PRMT8: variants seen among roughly 807,000 people sequenced by gnomAD.
PRMT8 encodes the protein protein arginine methyltransferase 8, also known as protein arginine N-methyltransferase 8.
Under a neutral mutation model 47.1 loss-of-function variants are expected in PRMT8, and 7 were observed. The ratio of observed to expected loss-of-function variants is 0.15; its 90% CI spans 0.08 to 0.28. The LOEUF (loss-of-function observed/expected upper bound fraction) is 0.28, where lower values mean the gene tolerates loss of function less well. Ranked by LOEUF, PRMT8 falls within the 10% of genes least tolerant of loss-of-function variation. The pLI, the probability that PRMT8 is intolerant of heterozygous loss-of-function variation, is 1.00. For missense variants in PRMT8, 237 were observed against 505.4 expected (o/e 0.47, Z 5.09); for synonymous variants, 188 against 186.5 (o/e 1.01, Z -0.07).
At chr12:3,560,287 C>T (rs1866611538) in intron 4 of PRMT8, among the ~76,000 whole-genome samples, 1 of 152,280 alleles carries the variant, frequency 6.6e-6, no homozygotes, top group Middle Eastern at 3.4e-3. Context: ...ACATAAATAA[C>T]AACACGGGGC....
intron 1 of PRMT8, among the ~76,000 whole-genome samples, chr12:3,405,109 G>T (rs1360897101): frequency 6.6e-6 from 1 of 152,144 alleles, no homozygotes; most frequent in Non-Finnish European, 1.5e-5. Flanking sequence ...GTTCAGCATG[G>T]CTGGGGAGGC....
At chr12:3,497,725 C>T (rs745479163) in intron 1 of PRMT8, among the ~76,000 whole-genome samples, 20 of 152,182 alleles carry the variant, frequency 1.3e-4, no homozygotes, top group Non-Finnish European at 2.5e-4. Flanking sequence ...AGAATTCCCT[C>T]AAGCATCACA....
intron 1 of PRMT8, among the ~76,000 whole-genome samples, chr12:3,417,001 C>T (rs1864490148): frequency 6.6e-6 from 1 of 152,206 alleles, no homozygotes; most frequent in Non-Finnish European, 1.5e-5. Flanking sequence ...GAAAGAGGGG[C>T]AACTTCCTGT....
chr12:3,530,740 C>A (rs1866017070), intron 1 of PRMT8, among the ~76,000 whole-genome samples: 1 of 152,178 alleles, frequency 6.6e-6, no homozygotes, highest in African/African-American at 2.4e-5. Context: ...GTGTCCTGTG[C>A]CACGAAAGGC....
chr12:3,428,491 A>C (rs1864631798), intron 1 of PRMT8, among the ~76,000 whole-genome samples: 1 of 152,168 alleles, frequency 6.6e-6, no homozygotes, highest in African/African-American at 2.4e-5. Flanking sequence ...TAGGAAGGCT[A>C]CAGGTTGTCA....
In PRMT8 at chr12:3,552,080, T is replaced by A. The variant is rs1866431110; in HGVS notation, c.418-1571T>A. 1 of 152,252 alleles carries A rather than the reference T, an allele frequency of 6.6e-6. No homozygotes were observed. The highest frequency in any genetic ancestry group is 2.4e-5 in the African/African-American group (1 of 41,436). The allele number at this position is 152,252 out of a possible 1,614,324, so 9.4% of individuals were successfully genotyped here. On this transcript the variant is annotated intron_variant, in intron 3 of 9. Transcript: ENST00000382622. The surrounding 1 kb of genome is among the most constrained non-coding windows in gnomAD (Gnocchi z 4.5). ...CTGTCTCTACTAAAAATACAAAAAT[T>A]AGCCGGGCATGGTGGCGGGTGCCTG...
At position 3,550,409 on chromosome 12, in the gene PRMT8, G is replaced by A. The variant is rs911451362; in HGVS notation, c.417+318G>A. The A allele has an allele frequency of 2.7e-5, 8 of 293,706 alleles. No homozygotes were observed. Among genetic ancestry groups the A allele is most frequent in the African/African-American group, 6.2e-5 (3 of 48,178 alleles). 18.2% of individuals were successfully genotyped at this position (293,706 alleles called of 1,614,324 possible). ...TCAGAGGCAGTGCAGGTGGTTACTC[G>A]GGGGAGCTCTGGTTTGAATCTCTGC... On this transcript the variant is annotated intron_variant, in intron 3 of 9. Coordinates refer to ENST00000382622, the MANE Select transcript of PRMT8 (RefSeq NM_019854.5). This position sits in a 1 kb window ranked among gnomAD's most constrained non-coding sequence, Gnocchi z 5.1.
chr12:3,544,686 C>T (rs1278069398), intron 2 of PRMT8, among the ~76,000 whole-genome samples: 1 of 152,148 alleles, frequency 6.6e-6, no homozygotes, highest in Admixed American at 6.5e-5. Context: ...CGGTTCTGGC[C>T]CTTGTTCCGG....
intron 1 of PRMT8, among the ~76,000 whole-genome samples, chr12:3,401,885 C>T (rs371265200): frequency 3.6e-4 from 55 of 152,280 alleles, no homozygotes; most frequent in East Asian, 7.7e-4. Context: ...GAATCAATAT[C>T]GTGAAAATGG....
intron 1 of PRMT8, among the ~76,000 whole-genome samples, chr12:3,530,003 A>T (rs1036015850): frequency 6.6e-6 from 1 of 152,176 alleles, no homozygotes; most frequent in Non-Finnish European, 1.5e-5. Flanking sequence ...GGAATTATGG[A>T]TGCTTAATAA....
chr12:3,462,624 A>C (rs1214289904), intron 1 of PRMT8: 2 of 152,032 alleles, frequency 1.3e-5, no homozygotes, highest in African/African-American at 4.8e-5. Flanking sequence ...CACCTTCCTC[A>C]GATGAAAGCT....
At chr12:3,588,648 G>T (rs927183970) in intron 8 of PRMT8, among the ~76,000 whole-genome samples, 1 of 152,240 alleles carries the variant, frequency 6.6e-6, no homozygotes, top group Non-Finnish European at 1.5e-5. Flanking sequence ...GAAGTCTGTG[G>T]AATGGTGAAT....
Position 3,520,166 on chromosome 12 carries a change from G to C in PRMT8, c.76-20440G>C, listed in dbSNP as rs150677555. Among the ~76,000 whole-genome samples the C allele has an allele frequency of 2.5e-4, 38 of 152,342 alleles. 1 individual carries two copies. The highest frequency in any genetic ancestry group is 5.0e-4 in the Non-Finnish European group (34 of 68,038). On this transcript the variant is annotated intron_variant, in intron 1 of 9. Transcript: ENST00000382622. ...CCTCCCAGAGTGGGGACAAACCGGA[G>C]ACCCTTTGCAGTTGCTGGGTCACCA...
rs754811567 is a variant in PRMT8, at chr12:3,570,842, A to G, written c.712+1278A>G. On this transcript the variant is annotated intron_variant, in intron 6 of 9. Transcript: ENST00000382622. This position sits in a 1 kb window ranked among gnomAD's most constrained non-coding sequence, Gnocchi z 5.5. The stretch of plus-strand genomic sequence containing the variant: ...TCTGGTTGCTGTCTGCCTCCAGCCA[A>G]TCTGGTGTGATTTCCACTATTTGAC... Among the ~76,000 whole-genome samples the G allele has an allele frequency of 1.3e-5, 2 of 152,148 alleles. No homozygotes were observed. Among genetic ancestry groups the G allele is most frequent in the Non-Finnish European group, 2.9e-5 (2 of 68,016 alleles).
chr12:3,488,446 A>G (rs145296564), upstream of PRMT8, among the ~76,000 whole-genome samples: 121 of 152,306 alleles, frequency 7.9e-4, 1 homozygote, highest in East Asian at 0.017. Context: ...CAAACTACCC[A>G]TTTGACTCAC....
rs372630017 is a variant in PRMT8 at position 3,553,723 on chromosome 12, T to A, written c.481+9T>A. 5.1e-6 allele frequency: 8 copies of A among 1,571,544 alleles called. No homozygotes were observed. Among genetic ancestry groups the A allele is most frequent in the Non-Finnish European group, 7.0e-6 (8 of 1,141,516 alleles). ...CAACCACTTGGACAACAGTAAGACA[T>A]ACCTCTGAGTGTTTTCTCCTGGATG... On this transcript the variant is annotated intron_variant, in intron 4 of 9. Coordinates refer to ENST00000382622, the MANE Select transcript of PRMT8 (RefSeq NM_019854.5).
intron 1 of PRMT8, among the ~76,000 whole-genome samples, chr12:3,509,226 C>T (rs1442117660): frequency 2.0e-5 from 3 of 152,154 alleles, no homozygotes; most frequent in East Asian, 1.9e-4. Context: ...TGTAATCATG[C>T]CCCTGAGTCC....
chr12:3,515,553 C>T (rs1352477172), intron 1 of PRMT8, among the ~76,000 whole-genome samples: 4 of 152,176 alleles, frequency 2.6e-5, no homozygotes, highest in Non-Finnish European at 4.4e-5. Context: ...AAATTGCCTC[C>T]CCATCCCAGA....
At chr12:3,381,584 C>T in intron 1 of PRMT8, 1 of 757,668 alleles carries the variant, frequency 1.3e-6, no homozygotes, top group Non-Finnish European at 2.2e-6. Flanking sequence ...TTTCTAAGTT[C>T]ATAACATGCT....
Sources: allele counts gnomAD v4.1 joint callset (sites outside exome capture counted in the v4.1 genomes callset), GRCh38; gene constraint gnomAD v4.1.1; non-coding constraint Gnocchi (gnomAD v3.1); transcripts MANE v1.5; gene names NCBI Gene and HGNC (gene_info 2026-07-23, HGNC 2026-07-21).